RAB3C: variants seen among roughly 807,000 people sequenced by gnomAD.
RAB3C encodes RAB3C, member RAS oncogene family.
Under a neutral mutation model 26.4 loss-of-function variants are expected in RAB3C, and 17 were observed. That is an observed-to-expected ratio of 0.64 (90% CI 0.44 to 0.97). The LOEUF (loss-of-function observed/expected upper bound fraction) is 0.97, where lower values mean the gene tolerates loss of function less well. Among genes scored for constraint, RAB3C ranks in the 50% least tolerant of loss-of-function variants. RAB3C has a pLI of 0.00. For synonymous variants in RAB3C, 91 were observed against 95.9 expected (o/e 0.95, Z 0.30); for missense variants, 242 against 281.9 (o/e 0.86, Z 1.01).
intron 3 of RAB3C, among the ~76,000 whole-genome samples, chr5:58,755,549 C>T (rs572858737): frequency 4.4e-4 from 67 of 152,144 alleles, no homozygotes; most frequent in Non-Finnish European, 6.6e-4. Flanking sequence ...CATCAGGACT[C>T]GGGGCAGGCA....
intron 4 of RAB3C, among the ~76,000 whole-genome samples, chr5:58,833,324 TCACACA>T (rs571940681): frequency 9.9e-5 from 14 of 141,148 alleles, no homozygotes; most frequent in East Asian, 4.2e-4. Context: ...ACGGACCCCA[TCACACA>T]CACACACACA....
intron 3 of RAB3C, among the ~76,000 whole-genome samples, chr5:58,798,095 G>GGA (rs1311639120): frequency 1.3e-5 from 2 of 151,922 alleles, no homozygotes; most frequent in Non-Finnish European, 1.5e-5. Flanking sequence ...ATACTTGGCG[G>GGA]GGGGGCCTCC....
chr5:58,740,471 C>T (rs1335106968), intron 3 of RAB3C, among the ~76,000 whole-genome samples: 3 of 152,080 alleles, frequency 2.0e-5, no homozygotes, highest in Non-Finnish European at 2.9e-5. Context: ...AGTTTATATC[C>T]AGTTATTTAT....
At chr5:58,790,576 C>T (rs1275275408) in intron 3 of RAB3C, among the ~76,000 whole-genome samples, 1 of 152,076 alleles carries the variant, frequency 6.6e-6, no homozygotes, top group Non-Finnish European at 1.5e-5. Flanking sequence ...TATGCAGGCT[C>T]TACAATAAAA....
chr5:58,664,396 T>C (rs74375450), intron 2 of RAB3C, among the ~76,000 whole-genome samples: 2,932 of 152,236 alleles, frequency 0.019, 111 homozygotes, highest in East Asian at 0.15. Context: ...ATGATTCCAT[T>C]AATATAATAT....
chr5:58,661,726 C>A (rs1345430679), intron 2 of RAB3C, among the ~76,000 whole-genome samples: 1 of 147,996 alleles, frequency 6.8e-6, no homozygotes, highest in Non-Finnish European at 1.5e-5. Flanking sequence ...TCCATTAACC[C>A]TATTTCTAAG....
chr5:58,740,826 A>G (rs1741259279), intron 3 of RAB3C, among the ~76,000 whole-genome samples: 1 of 152,054 alleles, frequency 6.6e-6, no homozygotes, highest in South Asian at 2.1e-4. Flanking sequence ...TCTCAGAAAA[A>G]TATATATCTT....
At chr5:58,780,281 G>A (rs781139361) in intron 3 of RAB3C, among the ~76,000 whole-genome samples, 1 of 152,104 alleles carries the variant, frequency 6.6e-6, no homozygotes, top group Non-Finnish European at 1.5e-5. Context: ...CTCTCCTGGA[G>A]GGAGAATGAA....
chr5:58,756,831 TCCA>T (rs1304279155), intron 3 of RAB3C, among the ~76,000 whole-genome samples: 1 of 151,654 alleles, frequency 6.6e-6, no homozygotes, highest in Non-Finnish European at 1.5e-5. Flanking sequence ...ATTTTCTTTA[TCCA>T]GTTTATCATT....
chr5:58,584,237 G>T (rs1745966478), intron 1 of RAB3C, among the ~76,000 whole-genome samples: 1 of 152,182 alleles, frequency 6.6e-6, no homozygotes, highest in East Asian at 1.9e-4. Flanking sequence ...GTTTCTTCAT[G>T]AATCAAGGAC....
chr5:58,582,415 G>C, upstream of RAB3C: 2 of 985,438 alleles, frequency 2.0e-6, no homozygotes, highest in Non-Finnish European at 2.4e-6. Flanking sequence ...GTATGGAAAG[G>C]TAAGCAGGCG....
rs1434138042 is a variant in RAB3C, at chr5:58,858,228, A to T, written c.*6877A>T. On this transcript the variant is annotated 3_prime_UTR_variant, in exon 5 of 5. Transcript: ENST00000282878. ...TATGTGGCCTGAATGTAACTGTGAT[A>T]GACTGAAATTTGTTCTTAGCTCTCA... is the stretch of plus-strand genomic sequence containing the variant. The T allele has an allele frequency of 6.6e-6, 1 of 152,168 alleles. No individual in the cohort carries two copies. The highest frequency in any genetic ancestry group is 2.4e-5 in the African/African-American group (1 of 41,434). The allele number at this position is 152,168 out of a possible 1,614,324, so 9.4% of individuals were successfully genotyped here.
chr5:58,850,969 A>G (rs1351869194), intron 4 of RAB3C, among the ~76,000 whole-genome samples, 195 bp from the exon 5 acceptor site: 4 of 152,222 alleles, frequency 2.6e-5, no homozygotes, highest in Non-Finnish European at 2.9e-5. Context: ...TCTTTTGTTC[A>G]TGGTTAATGG....
chr5:58,659,144 C>T (rs1747843821), intron 2 of RAB3C, among the ~76,000 whole-genome samples: 1 of 152,176 alleles, frequency 6.6e-6, no homozygotes, highest in Non-Finnish European at 1.5e-5. Context: ...GAATTAATCA[C>T]ATAGGAAAAC....
intron 1 of RAB3C, among the ~76,000 whole-genome samples, chr5:58,600,890 G>C (rs888725837): frequency 3.3e-5 from 5 of 152,092 alleles, no homozygotes; most frequent in Non-Finnish European, 7.4e-5. Context: ...TGTTGAAGAG[G>C]AGTGGTGAGA....
At chr5:58,805,265 A>G (rs1742910285) in intron 3 of RAB3C, among the ~76,000 whole-genome samples, 1 of 152,192 alleles carries the variant, frequency 6.6e-6, no homozygotes, top group Admixed American at 6.5e-5. Flanking sequence ...AATATTCTTT[A>G]GAATTAAGAG....
rs115366092 is a variant in RAB3C at position 58,589,396 on chromosome 5, T to C, written c.24+6164T>C. ...TTCTCTTAATGCCTTCATGAAGTTATAGTATTGGAATTATGCTTATAAAAC... is the reference window on the plus strand; with the variant it reads ...TTCTCTTAATGCCTTCATGAAGTTACAGTATTGGAATTATGCTTATAAAAC... On this transcript the variant is annotated intron_variant, in intron 1 of 4. Transcript: ENST00000282878. 5.9e-3 allele frequency among the ~76,000 whole-genome samples: 900 copies of C among 152,310 alleles called. 5 individuals carry two copies. The highest frequency in any genetic ancestry group is 0.02 in the African/African-American group (849 of 41,572).
chr5:58,649,514 G>T (rs776474634), intron 2 of RAB3C, among the ~76,000 whole-genome samples: 64 of 151,678 alleles, frequency 4.2e-4, no homozygotes, highest in Non-Finnish European at 6.8e-4. Context: ...CACTTAAGGC[G>T]ACCCATCTCC....
chr5:58,741,838 C>G (rs1741280866), intron 3 of RAB3C: 1 of 151,900 alleles, frequency 6.6e-6, no homozygotes, highest in Admixed American at 6.6e-5. Flanking sequence ...AACCCCGTCT[C>G]TACTAAAAAT....
Sources: allele counts gnomAD v4.1 joint callset (sites outside exome capture counted in the v4.1 genomes callset), GRCh38; gene constraint gnomAD v4.1.1; transcripts MANE v1.5; gene names NCBI Gene and HGNC (gene_info 2026-07-23, HGNC 2026-07-21).